ALPK3: variants seen among roughly 807,000 people sequenced by gnomAD.
ALPK3 encodes alpha-protein kinase 3.
In ALPK3, 102 loss-of-function variants were observed where a neutral mutation model predicts 140.0. The observed-to-expected ratio is 0.73, with a 90% CI of 0.62 to 0.86. The LOEUF is 0.86. Ranked by LOEUF, ALPK3 falls within the 40% of genes least tolerant of loss-of-function variation. The pLI is 0.00. For missense variants in ALPK3, 2,254 were observed against 2,208.2 expected, an observed-to-expected ratio of 1.02 and a Z score of -0.42; for synonymous variants, 938 against 898.5, an observed-to-expected ratio of 1.04 and a Z score of -0.79.
intron 5 of ALPK3, among the ~76,000 whole-genome samples, chr15:84,843,225 G>A (rs991685193): frequency 6.6e-6 from 1 of 152,190 alleles, no homozygotes; most frequent in African/African-American, 2.4e-5. Flanking sequence ...CCAGCACTTT[G>A]GAAGGCCGAA....
chr15:84,855,361 C>G (rs1168879158), intron 5 of ALPK3, among the ~76,000 whole-genome samples: 1 of 152,204 alleles, frequency 6.6e-6, no homozygotes, highest in Non-Finnish European at 1.5e-5. Flanking sequence ...CTCAGCTTCC[C>G]AGTGTCTGCA....
At chr15:84,862,233 G>A (rs1465021426) in intron 9 of ALPK3, among the ~76,000 whole-genome samples, 1 of 152,136 alleles carries the variant, frequency 6.6e-6, no homozygotes, top group African/African-American at 2.4e-5. Flanking sequence ...TGGTTGAAAT[G>A]GAGTCATGTA....
rs750563510 is a variant in ALPK3, at chr15:84,857,425, C to T, written c.2687C>T (p.Thr896Ile). Residue 896 changes from threonine (T) to isoleucine (I), a missense_variant, in exon 6 of 14, where the codon ACC (threonine) becomes ATC (isoleucine). By Grantham distance (89) the Thr-to-Ile change is moderately conservative (BLOSUM62 -1). This residue lies in a region of ALPK3 where 2,088 missense variants were observed against 2,022.9 expected (regional missense o/e 1.03). Coordinates refer to ENST00000258888, the MANE Select transcript of ALPK3 (RefSeq NM_020778.5). ...ACTTCTCAGCACGGGAGCACAGCCA[C>T]CTTCCTGCCCTCTGAGGATCAGGTC... ...TPTSQHGSTA[T>I]FLPSEDQVLM... 2.5e-6 allele frequency: 4 copies of T among 1,614,080 alleles called. No individual in the cohort carries two copies. Among genetic ancestry groups the T allele is most frequent in the Non-Finnish European group, 3.4e-6 (4 of 1,180,022 alleles).
chr15:84,829,728 G>A (rs1360059202), intron 3 of ALPK3, among the ~76,000 whole-genome samples: 1 of 152,226 alleles, frequency 6.6e-6, no homozygotes, highest in Non-Finnish European at 1.5e-5. Context: ...ACCCAGGGGT[G>A]TGCTTTTTAC....
chr15:84,847,248 A>AGAGAGAGAGAGAGAG, intron 5 of ALPK3, among the ~76,000 whole-genome samples: 3 of 140,356 alleles, frequency 2.1e-5, no homozygotes, highest in East Asian at 2.1e-4. Context: ...AGAGAGAGAG[A>AGAGAGAGAGAGAGAG]GGAATCAGAA....
Position 84,847,208 on chromosome 15 carries a change from G to GAGAGAGAGAGAGAGAGAGAGA in ALPK3, c.1653+6276_1653+6277insAGAGAGAGAGAGAGAGAGAGA, listed in dbSNP as rs373039929. On this transcript the variant is annotated intron_variant, in intron 5 of 13. Transcript: ENST00000258888. Reference sequence around the variant, plus strand: ...GAGAGAGGAAGGGAGGGAGAAACGGGGAGAGAGAGAGAGAGAGAGAGAGAG... The same window carrying GAGAGAGAGAGAGAGAGAGAGA: ...GAGAGAGGAAGGGAGGGAGAAACGGGAGAGAGAGAGAGAGAGAGAGAGAGAGAGAGAGAGAGAGAGAGAGAG... Among the ~76,000 whole-genome samples, 23 of 116,640 alleles carry GAGAGAGAGAGAGAGAGAGAGA rather than the reference G, an allele frequency of 2.0e-4. 1 individual carries two copies. In the East Asian group the frequency reaches 2.7e-3, roughly 14 times the overall value. 76.5% of individuals were successfully genotyped at this position (116,640 alleles called of 152,430 possible). A position where few individuals can be genotyped will look rare whatever the true frequency, so the allele number is the denominator to read the frequency against.
intron 1 of ALPK3, among the ~76,000 whole-genome samples, chr15:84,820,512 G>C (rs1238625958): frequency 2.0e-5 from 3 of 151,598 alleles, no homozygotes; most frequent in Admixed American, 6.6e-5. Flanking sequence ...ATGGAGTCTT[G>C]CTCTGACACC....
rs559342068 is a variant in ALPK3, at chr15:84,839,995, C to T, written c.716C>T (p.Thr239Ile). 6.8e-5 allele frequency: 109 copies of T among 1,613,234 alleles called. 1 individual carries two copies. Among genetic ancestry groups the T allele is most frequent in the South Asian group, 6.7e-4 (61 of 91,032 alleles). ...CAAGCGCCGGGCCCCTCGGTCCCTA[C>T]CAGGGAGCCTGAGGGTGGGACCCTG... is the stretch of plus-strand genomic sequence containing the variant. ...GAQAPGPSVP[T>I]REPEGGTLAA... Residue 239 changes from threonine to isoleucine, a missense_variant, in exon 5 of 14, where the codon ACC becomes ATC. Thr to Ile is a moderately conservative substitution (Grantham distance 89). Around this residue, in one of 3 missense-constraint regions of ALPK3, gnomAD observed 2,088 missense variants for 2,022.9 expected, o/e 1.03. Coordinates refer to ENST00000258888, the MANE Select transcript of ALPK3 (RefSeq NM_020778.5).
chr15:84,850,877 T>TACACACACACACACAC (rs1190685778), intron 5 of ALPK3, among the ~76,000 whole-genome samples: 1 of 90,344 alleles, frequency 1.1e-5, no homozygotes, highest in East Asian at 3.0e-4. Flanking sequence ...CAGTTCCAGA[T>TACACACACACACACAC]ATACACACAC....
Position 84,858,238 on chromosome 15 carries a change from G to T in ALPK3, c.3500G>T (p.Arg1167Ile). Reference protein sequence around the residue: ...EELALGARRKRFLPKVRAAGD... With the variant: ...EELALGARRKIFLPKVRAAGD... ...CTGGCTCTAGGGGCCCGGAGGAAGAGATTTCTCCCTAAGGTCAGAGCAGCA... is the reference window on the plus strand; with the variant it reads ...CTGGCTCTAGGGGCCCGGAGGAAGATATTTCTCCCTAAGGTCAGAGCAGCA... The change falls in exon 6 of 14, where the codon AGA (arginine) becomes ATA (isoleucine). Residue 1167 changes from arginine (R) to isoleucine (I), a missense_variant. By Grantham distance (97) the Arg-to-Ile change is moderately conservative. Around this residue, in one of 3 missense-constraint regions of ALPK3, gnomAD observed 2,088 missense variants for 2,022.9 expected, o/e 1.03. Transcript: ENST00000258888. 3.7e-6 allele frequency: 6 copies of T among 1,609,540 alleles called. No homozygotes were observed. Among genetic ancestry groups the T allele is most frequent in the Non-Finnish European group, 5.1e-6 (6 of 1,177,978 alleles).
rs776620295 is a variant in ALPK3, at chr15:84,840,493, C to T, written c.1214C>T (p.Pro405Leu). The change falls in exon 5 of 14, where the codon CCA (proline) becomes CTA (leucine). Residue 405 changes from proline (P) to leucine (L), a missense_variant. Physicochemically the swap from Pro to Leu is moderately conservative, Grantham distance 98. Around this residue, in one of 3 missense-constraint regions of ALPK3, gnomAD observed 2,088 missense variants for 2,022.9 expected, o/e 1.03. Coordinates refer to ENST00000258888, the MANE Select transcript of ALPK3 (RefSeq NM_020778.5). ...GACAAGGCCCAGAAGGCCCCTGGCC[C>T]AGGCCCAGGCCAGGAAGTGTATTTC... is the stretch of plus-strand genomic sequence containing the variant. The part of the protein sequence containing the change: ...TPDKAQKAPG[P>L]GPGQEVYFSL... 6.2e-7 allele frequency: 1 copy of T among 1,613,110 alleles called. No homozygotes were observed. The highest frequency in any genetic ancestry group is 1.1e-5 in the South Asian group (1 of 91,000).
At chr15:84,827,790 C>A (rs913140868) in intron 3 of ALPK3, among the ~76,000 whole-genome samples, 185 bp downstream of exon 3, 2 of 152,222 alleles carry the variant, frequency 1.3e-5, no homozygotes, top group Admixed American at 6.5e-5. Context: ...TTGCTTCCCC[C>A]ATTCTGGAGC....
intron 6 of ALPK3, 84 bp downstream of exon 6, chr15:84,858,639 C>T: frequency 6.8e-7 from 1 of 1,464,502 alleles, no homozygotes; most frequent in Non-Finnish European, 9.0e-7. Context: ...AGCACTACCC[C>T]ATGACAGATA....
intron 13 of ALPK3, among the ~76,000 whole-genome samples, chr15:84,867,655 G>T (rs537458680): frequency 6.6e-6 from 1 of 152,236 alleles, no homozygotes; most frequent in African/African-American, 2.4e-5. Context: ...GATGAGTAAG[G>T]GTCCTGTGAT....
At position 84,871,181 on chromosome 15, in the gene ALPK3, G is replaced by A. The variant is rs1964066297; in HGVS notation, c.*2725G>A. On this transcript the variant is annotated 3_prime_UTR_variant, in exon 14 of 14. Transcript: ENST00000258888. ...AGTCCATTTCTAGAACTGGTCATGA[G>A]AACTCATGTTTATGATGATGGACTT... 6.6e-6 allele frequency: 1 copy of A among 152,590 alleles called. No individual in the cohort carries two copies. Among genetic ancestry groups the A allele is most frequent in the South Asian group, 2.1e-4 (1 of 4,830 alleles). The allele number at this position is 152,590 out of a possible 1,614,324, so 9.5% of individuals were successfully genotyped here.
chr15:84,862,949 A>G, intron 10 of ALPK3, 34 bp downstream of exon 10: 1 of 1,596,192 alleles, frequency 6.3e-7, no homozygotes, highest in Non-Finnish European at 8.6e-7. Flanking sequence ...CCATTCTTTT[A>G]TTCTCTCACC....
chr15:84,840,992 TTGC>T (rs1963658987), intron 5 of ALPK3, 60 bp downstream of exon 5: 2 of 1,491,058 alleles, frequency 1.3e-6, no homozygotes, highest in Admixed American at 2.4e-5. Context: ...ATGGAAACTC[TTGC>T]TGCAACTGCT....
chr15:84,852,600 C>T (rs982503695), intron 5 of ALPK3: 12 of 289,536 alleles, frequency 4.1e-5, no homozygotes, highest in Admixed American at 3.9e-4. Context: ...GTTTTGCAGC[C>T]TCTTTGAAAT....
chr15:84,841,502 C>T (rs1374950611), intron 5 of ALPK3, among the ~76,000 whole-genome samples: 1 of 152,194 alleles, frequency 6.6e-6, no homozygotes, highest in African/African-American at 2.4e-5. Context: ...CATAACAATA[C>T]CTACTTCGTA....
Sources: gnomAD v4.1 joint callset for allele counts (sites outside exome capture counted in the v4.1 genomes callset) on GRCh38, gnomAD v4.1.1 for gene constraint, gnomAD v4.1.1 regional missense constraint, MANE v1.5 for transcripts, NCBI Gene and HGNC (gene_info 2026-07-23, HGNC 2026-07-21) for gene names.